The following ANK3 variants were observed in gnomAD, a reference collection of about 807,000 sequenced individuals.
The protein encoded by ANK3 is ankyrin 3.
ANK3 carries 57 observed loss-of-function variants against 370.9 expected under a neutral mutation model. That is an observed-to-expected ratio of 0.15 (90% CI 0.12 to 0.19). The LOEUF is 0.19. ANK3 is among the 10% of genes least tolerant of loss of function. ANK3 has a pLI of 1.00. For synonymous variants in ANK3, 1,929 were observed against 1,946.3 expected (o/e 0.99, Z 0.23); for missense variants, 4,439 against 5,302.1 (o/e 0.84, Z 5.06).
intron 2 of ANK3, among the ~76,000 whole-genome samples, chr10:60,428,581 T>G (rs552061689): frequency 3.5e-4 from 53 of 152,280 alleles, no homozygotes; most frequent in African/African-American, 1.3e-3. Context: ...CTGATAACAG[T>G]GACTTACTGA....
intron 2 of ANK3, among the ~76,000 whole-genome samples, chr10:60,575,540 ATG>A (rs1227843264): frequency 1.3e-5 from 2 of 152,164 alleles, no homozygotes; most frequent in African/African-American, 4.8e-5. Context: ...AGATAGCAAA[ATG>A]TATCATTTAA....
chr10:60,110,607 T>C (rs558210718), intron 26 of ANK3, among the ~76,000 whole-genome samples: 1 of 152,238 alleles, frequency 6.6e-6, no homozygotes, highest in Admixed American at 6.5e-5. Context: ...TTGTTACCAA[T>C]GCTAAAAGAC....
chr10:60,587,094 G>A (rs1410687201), intron 2 of ANK3, among the ~76,000 whole-genome samples: 2 of 152,164 alleles, frequency 1.3e-5, no homozygotes, highest in Non-Finnish European at 2.9e-5. Context: ...AGAAGGGAAA[G>A]GAAGGACTTT....
chr10:60,725,971 A>G, intron 1 of ANK3, among the ~76,000 whole-genome samples: 1 of 152,206 alleles, frequency 6.6e-6, no homozygotes, highest in East Asian at 1.9e-4. Context: ...GCCCTCTACT[A>G]GTCCTAAAAT....
chr10:60,244,789 A>T (rs2097528126), intron 7 of ANK3, among the ~76,000 whole-genome samples: 1 of 152,234 alleles, frequency 6.6e-6, no homozygotes, highest in South Asian at 2.1e-4. Context: ...AAACTCTTTT[A>T]GCCTCTGAGG....
At chr10:60,480,653 G>C (rs554296978) in intron 2 of ANK3, among the ~76,000 whole-genome samples, 1 of 152,272 alleles carries the variant, frequency 6.6e-6, no homozygotes, top group Non-Finnish European at 1.5e-5. Context: ...TAATGAACAT[G>C]GAAATAAGGC....
At chr10:60,267,957 T>C (rs1190273747) in intron 5 of ANK3, among the ~76,000 whole-genome samples, 2 of 152,194 alleles carry the variant, frequency 1.3e-5, no homozygotes, top group Non-Finnish European at 2.9e-5. Context: ...GAATAGCTAC[T>C]CTTGAGTGTG....
intron 1 of ANK3, among the ~76,000 whole-genome samples, chr10:60,294,986 A>C (rs2042201538): frequency 6.6e-6 from 1 of 152,136 alleles, no homozygotes; most frequent in African/African-American, 2.4e-5. Flanking sequence ...CTTTACCCCA[A>C]ATTTAAGGTA....
chr10:60,548,404 G>GTTGT (rs535112836), intron 2 of ANK3, among the ~76,000 whole-genome samples: 36 of 151,068 alleles, frequency 2.4e-4, no homozygotes, highest in South Asian at 1.3e-3. Flanking sequence ...TTTTTTTGTT[G>GTTGT]TTGTTTGTTT....
intron 1 of ANK3, among the ~76,000 whole-genome samples, chr10:60,698,383 C>A (rs2079494254): frequency 6.6e-6 from 1 of 151,570 alleles, no homozygotes; most frequent in African/African-American, 2.4e-5. Context: ...ACCATTTGAC[C>A]CAGCCATCCC....
Position 60,067,997 on chromosome 10 carries a change from G to A in ANK3, c.12257C>T (p.Pro4086Leu). Residue 4086 changes from proline (P) to leucine (L), a missense_variant, in exon 38 of 44, where the codon CCA (proline) becomes CTA (leucine). This residue lies in a region of ANK3 where 99 missense variants were observed against 150.7 expected (regional missense o/e 0.66). Coordinates refer to ENST00000280772, the MANE Select transcript of ANK3 (RefSeq NM_020987.5). ...RSSRRTGPQSPCERTDIRMAI... is the reference protein window; with the variant it reads ...RSSRRTGPQSLCERTDIRMAI... ...CATCCTGATATCTGTCCGTTCACAT[G>A]GACTCTGTGGACCTACGATTTACAA... The A allele has an allele frequency of 6.2e-7, 1 of 1,608,390 alleles. No individual in the cohort carries two copies. Among genetic ancestry groups the A allele is most frequent in the South Asian group, 1.1e-5 (1 of 90,680 alleles).
intron 1 of ANK3, among the ~76,000 whole-genome samples, chr10:60,694,415 C>T (rs1222853899): frequency 1.3e-5 from 2 of 152,000 alleles, no homozygotes; most frequent in African/African-American, 4.8e-5. Flanking sequence ...AGATACTCCT[C>T]GAGAAGAGCA....
At chr10:60,383,612 T>C (rs1231969858) in intron 1 of ANK3, among the ~76,000 whole-genome samples, 1 of 152,144 alleles carries the variant, frequency 6.6e-6, no homozygotes, top group African/African-American at 2.4e-5. Flanking sequence ...AGTCTCTTGG[T>C]AAGACAGACA....
At chr10:60,432,120 C>A (rs544440622) in intron 2 of ANK3, among the ~76,000 whole-genome samples, 2 of 152,308 alleles carry the variant, frequency 1.3e-5, no homozygotes, top group East Asian at 3.9e-4. Context: ...TGGATATTGG[C>A]AGTATCACAT....
chr10:60,497,608 C>T (rs1476718685), intron 2 of ANK3, among the ~76,000 whole-genome samples: 3 of 152,150 alleles, frequency 2.0e-5, no homozygotes, highest in Admixed American at 6.5e-5. Context: ...CCTGTACATG[C>T]CTCTCAAGAT....
intron 2 of ANK3, among the ~76,000 whole-genome samples, chr10:60,495,861 G>T (rs1567092178): frequency 6.6e-6 from 1 of 152,120 alleles, no homozygotes; most frequent in Non-Finnish European, 1.5e-5. Flanking sequence ...CCAAAGGCTT[G>T]TCTTCAATAA....
intron 2 of ANK3, among the ~76,000 whole-genome samples, chr10:60,556,230 A>T (rs1391204177): frequency 6.6e-6 from 1 of 152,222 alleles, no homozygotes; most frequent in Non-Finnish European, 1.5e-5. Context: ...AAACCTCTGA[A>T]TTACTTCTCT....
intron 2 of ANK3, among the ~76,000 whole-genome samples, chr10:60,423,244 G>C (rs568287842): frequency 6.6e-6 from 1 of 151,998 alleles, no homozygotes; most frequent in East Asian, 1.9e-4. Context: ...ACTTGCTTGT[G>C]GTCTATTTCC....
chr10:60,085,120 A>G (rs370559090), intron 31 of ANK3, 37 bp downstream of exon 31: 8 of 1,543,148 alleles, frequency 5.2e-6, no homozygotes, highest in Non-Finnish European at 6.2e-6. Context: ...ATAAAAACTA[A>G]TTCCTTACTG....
Sources: gnomAD v4.1 joint callset for allele counts (sites outside exome capture counted in the v4.1 genomes callset) on GRCh38, gnomAD v4.1.1 for gene constraint, gnomAD v4.1.1 regional missense constraint, MANE v1.5 for transcripts, NCBI Gene and HGNC (gene_info 2026-07-23, HGNC 2026-07-21) for gene names.